NKAIN2: variants seen among roughly 807,000 people sequenced by gnomAD.
NKAIN2 encodes the protein sodium/potassium transporting ATPase interacting 2, also known as sodium/potassium-transporting ATPase subunit beta-1-interacting protein 2.
NKAIN2 carries 14 observed loss-of-function variants against 32.6 expected under a neutral mutation model. The ratio of observed to expected loss-of-function variants is 0.43; its 90% CI spans 0.28 to 0.67. The LOEUF is 0.67. NKAIN2 is among the 30% of genes least tolerant of loss of function. The pLI, the probability that NKAIN2 is intolerant of heterozygous loss-of-function variation, is 0.17. For missense variants in NKAIN2, 198 were observed against 258.3 expected (o/e 0.77, Z 1.60); for synonymous variants, 80 against 87.2 (o/e 0.92, Z 0.46).
intron 4 of NKAIN2, among the ~76,000 whole-genome samples, chr6:124,741,132 C>A (rs555292829): frequency 6.6e-6 from 1 of 151,698 alleles, no homozygotes; most frequent in East Asian, 2.0e-4. Flanking sequence ...GAGATGGGGA[C>A]AACGTGAAGG....
At chr6:124,204,353 C>G (rs1197966595) in intron 1 of NKAIN2, among the ~76,000 whole-genome samples, 1 of 151,582 alleles carries the variant, frequency 6.6e-6, no homozygotes, top group Admixed American at 6.6e-5. Flanking sequence ...AGCCATTTAC[C>G]TATGGGACCA....
At chr6:124,508,449 A>G (rs1448003582) in intron 3 of NKAIN2, among the ~76,000 whole-genome samples, 1 of 150,950 alleles carries the variant, frequency 6.6e-6, no homozygotes, top group Non-Finnish European at 1.5e-5. Context: ...GGTTCACGCC[A>G]TTCTCCTGCC....
chr6:124,407,420 C>A (rs995562602), intron 3 of NKAIN2, among the ~76,000 whole-genome samples: 1 of 149,410 alleles, frequency 6.7e-6, no homozygotes, highest in Non-Finnish European at 1.5e-5. Flanking sequence ...TGTTCAATTC[C>A]CACCTATGAG....
intron 4 of NKAIN2, among the ~76,000 whole-genome samples, chr6:124,741,867 TAAG>T (rs1384806987): frequency 1.3e-5 from 2 of 151,902 alleles, no homozygotes; most frequent in African/African-American, 4.8e-5. Flanking sequence ...TGCTTTATAA[TAAG>T]AAAGTTGTGT....
rs148562759 is a variant in NKAIN2 at position 124,605,335 on chromosome 6, T to C, written c.274-52851T>C. ...GCCCTTACTGTTTGCATAGGCACTA[T>C]TTTCAAACGGTGTAGCAAATATAAA... On this transcript the variant is annotated intron_variant, in intron 3 of 6. Transcript: ENST00000368417. Among the ~76,000 whole-genome samples, 566 of 152,192 alleles carry C rather than the reference T, an allele frequency of 3.7e-3. 8 individuals carry two copies. The highest frequency in any genetic ancestry group is 0.012 in the African/African-American group (499 of 41,566).
chr6:124,493,024 A>G (rs1777925689), intron 3 of NKAIN2, among the ~76,000 whole-genome samples: 2 of 152,138 alleles, frequency 1.3e-5, no homozygotes, highest in Admixed American at 6.6e-5. Context: ...ATAAAATGGA[A>G]TAAGTTATGG....
At chr6:123,975,759 C>T (rs984173250) in intron 1 of NKAIN2, among the ~76,000 whole-genome samples, 5 of 151,982 alleles carry the variant, frequency 3.3e-5, no homozygotes, top group African/African-American at 4.8e-5. Flanking sequence ...CATGAGGGCT[C>T]CACACTCATG....
chr6:124,580,265 A>C (rs1781473054), intron 3 of NKAIN2, among the ~76,000 whole-genome samples: 1 of 152,236 alleles, frequency 6.6e-6, no homozygotes, highest in Admixed American at 6.5e-5. Flanking sequence ...AAGTAAGCCA[A>C]TTAAAAATAG....
rs557840771 is a variant in NKAIN2 at position 124,098,592 on chromosome 6, C to T, written c.55-184413C>T. Among the ~76,000 whole-genome samples the T allele has an allele frequency of 6.6e-5, 10 of 152,050 alleles. No homozygotes were observed. The South Asian group carries it at 1.0e-3, about 16-fold the overall frequency. ...TTTGTCAATAGAAAAATGAGTGGGCCGGGCATGGCAACTCACACCTGTAAT... is the reference window on the plus strand; with the variant it reads ...TTTGTCAATAGAAAAATGAGTGGGCTGGGCATGGCAACTCACACCTGTAAT... On this transcript the variant is annotated intron_variant, in intron 1 of 6. Coordinates refer to ENST00000368417, the MANE Select transcript of NKAIN2 (RefSeq NM_001040214.3).
chr6:124,214,624 C>T (rs183051357), intron 1 of NKAIN2, among the ~76,000 whole-genome samples: 1 of 152,044 alleles, frequency 6.6e-6, no homozygotes, highest in African/African-American at 2.4e-5. Flanking sequence ...TCACTTGAAC[C>T]CAGGAGGTGG....
intron 3 of NKAIN2, among the ~76,000 whole-genome samples, chr6:124,374,257 A>G (rs1245360358): frequency 1.3e-5 from 2 of 152,112 alleles, no homozygotes; most frequent in Admixed American, 1.3e-4. Context: ...GTGCTTCAGT[A>G]AAATGAGTCA....
In NKAIN2 at chr6:124,329,954, T is replaced by A. The variant is rs566640051; in HGVS notation, c.193-25313T>A. ...TAATCCATACTCAGAATATTTCCAA[T>A]TTTGCCCAGATGAATCTTTCCGACT... On this transcript the variant is annotated intron_variant, in intron 2 of 6. Transcript: ENST00000368417. Among the ~76,000 whole-genome samples, 108 of 152,312 alleles carry A rather than the reference T, an allele frequency of 7.1e-4. 4 individuals carry two copies. The South Asian group carries it at 0.022, about 31-fold the overall frequency.
intron 3 of NKAIN2, among the ~76,000 whole-genome samples, chr6:124,485,873 G>C (rs1777629580): frequency 6.6e-6 from 1 of 152,184 alleles, no homozygotes; most frequent in Non-Finnish European, 1.5e-5. Flanking sequence ...CAACTAGGTT[G>C]ATGTCTTGAA....
chr6:123,855,466 T>C (rs755230117), intron 1 of NKAIN2, among the ~76,000 whole-genome samples: 3,254 of 152,334 alleles, frequency 0.021, 53 homozygotes, highest in Non-Finnish European at 0.03. Flanking sequence ...ACTTTGATTA[T>C]TGCAAATTGA....
intron 1 of NKAIN2, among the ~76,000 whole-genome samples, chr6:123,976,248 C>CAT (rs145822155): frequency 0.018 from 1,863 of 100,964 alleles, 106 homozygotes; most frequent in African/African-American, 0.049. Context: ...ATAGCAAGAA[C>CAT]ATATATATAT....
chr6:123,967,191 G>T (rs1285511899), intron 1 of NKAIN2, among the ~76,000 whole-genome samples: 1 of 152,146 alleles, frequency 6.6e-6, no homozygotes, highest in Non-Finnish European at 1.5e-5. Context: ...TATCTTCTTG[G>T]TCTGTTAGCT....
At chr6:123,954,785 G>A (rs1777489089) in intron 1 of NKAIN2, among the ~76,000 whole-genome samples, 1 of 152,148 alleles carries the variant, frequency 6.6e-6, no homozygotes, top group Non-Finnish European at 1.5e-5. Context: ...GTATCACACT[G>A]CCTTCTCCCT....
intron 1 of NKAIN2, among the ~76,000 whole-genome samples, chr6:123,945,500 C>T (rs1777023526): frequency 6.6e-6 from 1 of 152,046 alleles, no homozygotes; most frequent in South Asian, 2.1e-4. Flanking sequence ...AAAATTAGGC[C>T]TGGCACCTTC....
intron 3 of NKAIN2, among the ~76,000 whole-genome samples, chr6:124,556,580 A>G (rs987949551): frequency 6.6e-6 from 1 of 152,160 alleles, no homozygotes; most frequent in Non-Finnish European, 1.5e-5. Flanking sequence ...TGCTGGCACC[A>G]TGCTCTCAGA....
Sources: allele counts gnomAD v4.1 joint callset (sites outside exome capture counted in the v4.1 genomes callset), GRCh38; gene constraint gnomAD v4.1.1; transcripts MANE v1.5; gene names NCBI Gene and HGNC (gene_info 2026-07-23, HGNC 2026-07-21).